Variants in PPM1L observed in about 807,000 individuals in gnomAD.
PPM1L encodes protein phosphatase 1L.
In PPM1L, 13 loss-of-function variants were observed where a neutral mutation model predicts 31.4. The observed-to-expected ratio is 0.41, with a 90% CI of 0.27 to 0.66. PPM1L has a LOEUF of 0.66. Ranked by LOEUF, PPM1L falls within the 30% of genes least tolerant of loss-of-function variation. The probability of loss-of-function intolerance (pLI) is 0.29; values close to 1 mark genes in which losing one functional copy is unlikely to be tolerated. For missense variants in PPM1L, 326 were observed against 453.7 expected, an observed-to-expected ratio of 0.72 and a Z score of 2.56; for synonymous variants, 184 against 175.4, an observed-to-expected ratio of 1.05 and a Z score of -0.39.
chr3:160,902,714 T>C (rs1713588340), intron 1 of PPM1L, among the ~76,000 whole-genome samples: 2 of 152,178 alleles, frequency 1.3e-5, no homozygotes, highest in African/African-American at 4.8e-5. Context: ...AACAGTCTTA[T>C]TAATTTTCTG....
At chr3:160,902,921 A>T (rs1329265549) in intron 1 of PPM1L, among the ~76,000 whole-genome samples, 2 of 152,192 alleles carry the variant, frequency 1.3e-5, no homozygotes, top group Non-Finnish European at 2.9e-5. Context: ...TTTAGATCAC[A>T]TATCATTTAC....
chr3:160,996,393 TG>T (rs1443153638), intron 2 of PPM1L, among the ~76,000 whole-genome samples: 2 of 152,192 alleles, frequency 1.3e-5, no homozygotes, highest in Admixed American at 1.3e-4. Flanking sequence ...CCCACCCAAA[TG>T]TCCATCATTC....
At chr3:161,057,272 G>A (rs979664194) in intron 2 of PPM1L, among the ~76,000 whole-genome samples, 2 of 151,870 alleles carry the variant, frequency 1.3e-5, no homozygotes, top group African/African-American at 4.8e-5. Context: ...TCCCTCCTCC[G>A]CCTCACCTAA....
At chr3:161,023,361 ATGT>A in intron 2 of PPM1L, among the ~76,000 whole-genome samples, 1 of 151,924 alleles carries the variant, frequency 6.6e-6, no homozygotes. Context: ...AATCCTATAT[ATGT>A]TGTTGCAATT....
intron 1 of PPM1L, among the ~76,000 whole-genome samples, chr3:160,869,265 A>G (rs567911239): frequency 9.2e-5 from 14 of 152,284 alleles, no homozygotes; most frequent in African/African-American, 3.4e-4. Flanking sequence ...GACTTTTAGG[A>G]GCAGCAGCGT....
intron 1 of PPM1L, among the ~76,000 whole-genome samples, chr3:160,897,427 A>C (rs147370102): frequency 4.6e-5 from 7 of 152,170 alleles, no homozygotes; most frequent in Admixed American, 1.3e-4. Flanking sequence ...CACTTTTCTT[A>C]GTCTTCTGCC....
At chr3:160,910,727 AG>A (rs1350886742) in intron 1 of PPM1L, among the ~76,000 whole-genome samples, 1 of 152,180 alleles carries the variant, frequency 6.6e-6, no homozygotes, top group African/African-American at 2.4e-5. Flanking sequence ...TGTCTTTAAA[AG>A]GTTTCCTAAC....
chr3:160,961,606 A>G, intron 1 of PPM1L, 130 bp from the exon 2 acceptor site: 2 of 622,866 alleles, frequency 3.2e-6, no homozygotes, highest in Non-Finnish European at 5.0e-6. Context: ...TGACGATGAC[A>G]AGGACATGCT....
intron 1 of PPM1L, among the ~76,000 whole-genome samples, chr3:160,772,771 A>G (rs1330957668): frequency 1.3e-5 from 2 of 152,156 alleles, no homozygotes; most frequent in Admixed American, 6.5e-5. Context: ...TTCTGTCACT[A>G]TAGACTAGTT....
chr3:161,025,981 T>C (rs116540402), intron 2 of PPM1L, among the ~76,000 whole-genome samples: 3,809 of 152,316 alleles, frequency 0.025, 83 homozygotes, highest in South Asian at 0.044. Context: ...TGTTATATTT[T>C]ACATTTTCTA....
chr3:160,838,089 C>T (rs930908245), intron 1 of PPM1L, among the ~76,000 whole-genome samples: 3 of 152,154 alleles, frequency 2.0e-5, no homozygotes, highest in African/African-American at 7.2e-5. Context: ...CTGGTGGTGT[C>T]TCTTCTGATT....
At chr3:160,885,215 C>A (rs552527758) in intron 1 of PPM1L, among the ~76,000 whole-genome samples, 1 of 152,282 alleles carries the variant, frequency 6.6e-6, no homozygotes, top group South Asian at 2.1e-4. Context: ...CTCTCTAAAT[C>A]CCTAATTGCT....
chr3:160,840,300 A>C (rs1713832486), intron 1 of PPM1L, among the ~76,000 whole-genome samples: 1 of 152,024 alleles, frequency 6.6e-6, no homozygotes, highest in Non-Finnish European at 1.5e-5. Flanking sequence ...TTTGTGCTGA[A>C]CCCCAGTTTG....
At chr3:160,795,769 C>T (rs1051090864) in intron 1 of PPM1L, among the ~76,000 whole-genome samples, 3 of 152,170 alleles carry the variant, frequency 2.0e-5, no homozygotes, top group African/African-American at 7.2e-5. Flanking sequence ...TGTCTTCAAT[C>T]ACTGCTTAAT....
At chr3:160,796,198 A>G (rs1327838804) in intron 1 of PPM1L, among the ~76,000 whole-genome samples, 2 of 152,246 alleles carry the variant, frequency 1.3e-5, no homozygotes, top group Non-Finnish European at 2.9e-5. Context: ...GGAGTAAAGC[A>G]AAGGAAAGCA....
chr3:160,774,704 G>C (rs1711520460), intron 1 of PPM1L, among the ~76,000 whole-genome samples: 1 of 152,170 alleles, frequency 6.6e-6, no homozygotes, highest in Non-Finnish European at 1.5e-5. Context: ...TTAACACATA[G>C]CCATGGGGAA....
intron 2 of PPM1L, among the ~76,000 whole-genome samples, chr3:161,004,008 C>T (rs62282266): frequency 0.054 from 7,901 of 147,380 alleles, 235 homozygotes; most frequent in African/African-American, 0.06. Context: ...TTTTGAGATA[C>T]GTCCCATCAA....
At chr3:160,978,083 A>G (rs1559911377) in intron 2 of PPM1L, among the ~76,000 whole-genome samples, 1 of 152,172 alleles carries the variant, frequency 6.6e-6, no homozygotes, top group Non-Finnish European at 1.5e-5. Context: ...GAAACAAGGA[A>G]ACCTACTATG....
At chr3:160,944,742 T>A (rs1296231613) in intron 1 of PPM1L, among the ~76,000 whole-genome samples, 1 of 97,398 alleles carries the variant, frequency 1.0e-5, no homozygotes, top group African/African-American at 3.1e-5. Flanking sequence ...TGTTATATAT[T>A]ATATAATATA....
Sources: gnomAD v4.1 joint callset for allele counts (sites outside exome capture counted in the v4.1 genomes callset) on GRCh38, gnomAD v4.1.1 for gene constraint, MANE v1.5 for transcripts, NCBI Gene and HGNC (gene_info 2026-07-23, HGNC 2026-07-21) for gene names.